SLIT1: variants seen among roughly 807,000 people sequenced by gnomAD.
The protein encoded by SLIT1 is slit homolog 1 protein.
Under a neutral mutation model 186.1 loss-of-function variants are expected in SLIT1, and 66 were observed. That is an observed-to-expected ratio of 0.35 (90% CI 0.29 to 0.44). SLIT1 has a LOEUF of 0.44. SLIT1 is among the 20% of genes least tolerant of loss of function. SLIT1 has a pLI of 1.00. For synonymous variants in SLIT1, 761 were observed against 833.8 expected (o/e 0.91, Z 1.50); for missense variants, 1,638 against 2,037.4 (o/e 0.80, Z 3.77).
chr10:97,131,863 A>T (rs930960983), intron 4 of SLIT1, among the ~76,000 whole-genome samples: 2 of 152,210 alleles, frequency 1.3e-5, no homozygotes, highest in African/African-American at 4.8e-5. Flanking sequence ...CGTGGGGACT[A>T]AGTATCCGCA....
intron 4 of SLIT1, among the ~76,000 whole-genome samples, chr10:97,074,100 G>C (rs866980542): frequency 6.6e-6 from 1 of 152,098 alleles, no homozygotes; most frequent in South Asian, 2.1e-4. Context: ...GCACAACCCA[G>C]GCTTGTAATA....
At chr10:97,164,417 C>T (rs1187723587) in intron 2 of SLIT1, among the ~76,000 whole-genome samples, 2 of 152,200 alleles carry the variant, frequency 1.3e-5, no homozygotes, top group Admixed American at 6.5e-5. Flanking sequence ...CCTCCCCAGA[C>T]TCAGAAGGGA....
chr10:97,162,180 C>G (rs1169014307), intron 3 of SLIT1, among the ~76,000 whole-genome samples: 1 of 152,182 alleles, frequency 6.6e-6, no homozygotes, highest in Non-Finnish European at 1.5e-5. Context: ...TTTAGTAATA[C>G]TATTGTCATT....
chr10:97,003,993 G>T, intron 34 of SLIT1, 75 bp downstream of exon 34: 1 of 1,353,622 alleles, frequency 7.4e-7, no homozygotes, highest in Non-Finnish European at 1.0e-6. Flanking sequence ...CCACAGTGCA[G>T]TCCCTAGGCA....
intron 20 of SLIT1, among the ~76,000 whole-genome samples, chr10:97,041,143 T>C (rs988563556): frequency 6.6e-6 from 1 of 152,192 alleles, no homozygotes; most frequent in Non-Finnish European, 1.5e-5. Flanking sequence ...TCACATCCTT[T>C]CACCTCTAGG....
In SLIT1 at chr10:97,164,878, G is replaced by T; in HGVS notation, c.210C>A (p.Gly70=). 6.2e-7 allele frequency: 1 copy of T among 1,613,272 alleles called. No homozygotes were observed. The highest frequency in any genetic ancestry group is 8.5e-7 in the Non-Finnish European group (1 of 1,179,312). ...PRNTERLELN[G]NNITRIHKND... is the part of the protein sequence containing the mutation. Reference sequence around the variant, plus strand: ...TCTTATGGATCCGAGTGATGTTGTTGCCATTGAGTTCCCTGGAGGAAGAAG... The same window carrying T: ...TCTTATGGATCCGAGTGATGTTGTTTCCATTGAGTTCCCTGGAGGAAGAAG... The change falls in exon 2 of 37, where the codon GGC becomes GGA. Residue 70 remains glycine, a synonymous_variant. Transcript: ENST00000266058.
rs148093418 is a variant in SLIT1, at chr10:97,082,770, C to T, written c.414-16684G>A. ...TTAAAACAACCTCATGAGACACATG[C>T]TCTCACCACTCTGGTGTGGGACGTT... On this transcript the variant is annotated intron_variant, in intron 4 of 36. Coordinates refer to ENST00000266058, the MANE Select transcript of SLIT1 (RefSeq NM_003061.3). Among the ~76,000 whole-genome samples the T allele has an allele frequency of 3.6e-3, 555 of 152,270 alleles. 4 individuals carry two copies. Among genetic ancestry groups the T allele is most frequent in the African/African-American group, 0.013 (523 of 41,552 alleles).
chr10:97,108,217 CA>C (rs1416310049), intron 4 of SLIT1, among the ~76,000 whole-genome samples: 1 of 152,280 alleles, frequency 6.6e-6, no homozygotes, highest in Non-Finnish European at 1.5e-5. Flanking sequence ...GAAGGTGCAG[CA>C]GGGGAGGTGG....
At chr10:97,097,152 A>G (rs918474137) in intron 4 of SLIT1, among the ~76,000 whole-genome samples, 5 of 152,204 alleles carry the variant, frequency 3.3e-5, no homozygotes, top group African/African-American at 1.2e-4. Flanking sequence ...CACGTCCTGC[A>G]CACACACTCC....
intron 4 of SLIT1, among the ~76,000 whole-genome samples, chr10:97,125,221 GA>G (rs1849593721): frequency 6.6e-6 from 1 of 152,138 alleles, no homozygotes; most frequent in Non-Finnish European, 1.5e-5. Context: ...GGGTCCTACT[GA>G]TCTTGCCATA....
At chr10:97,125,775 G>T (rs752032570) in intron 4 of SLIT1, among the ~76,000 whole-genome samples, 2 of 152,058 alleles carry the variant, frequency 1.3e-5, no homozygotes, top group Non-Finnish European at 2.9e-5. Context: ...GGAGGCAGAG[G>T]TTTCGGTGAG....
intron 4 of SLIT1, among the ~76,000 whole-genome samples, chr10:97,119,914 T>C (rs1469889848): frequency 1.6e-4 from 1 of 6,260 alleles, no homozygotes; most frequent in African/African-American, 4.7e-4. Flanking sequence ...TCCAAAGGGG[T>C]ATATATATAT....
At chr10:97,175,564 C>G (rs1334065804) in intron 1 of SLIT1, among the ~76,000 whole-genome samples, 10 of 152,174 alleles carry the variant, frequency 6.6e-5, no homozygotes, top group Non-Finnish European at 4.4e-5. Context: ...TTGACAGTCG[C>G]AATCCGAGTG....
At chr10:97,093,142 A>G (rs573589504) in intron 4 of SLIT1, among the ~76,000 whole-genome samples, 2 of 152,312 alleles carry the variant, frequency 1.3e-5, no homozygotes, top group East Asian at 3.9e-4. Flanking sequence ...GTGGTGTGAG[A>G]AGAGGGCAGT....
At chr10:97,138,787 AT>A in intron 4 of SLIT1, among the ~76,000 whole-genome samples, 1 of 152,282 alleles carries the variant, frequency 6.6e-6, no homozygotes, top group Admixed American at 6.5e-5. Flanking sequence ...TATAATTGAT[AT>A]GTGTGCATCT....
intron 3 of SLIT1, among the ~76,000 whole-genome samples, chr10:97,162,035 T>C (rs1027558804): frequency 3.1e-4 from 47 of 152,280 alleles, no homozygotes; most frequent in Admixed American, 1.1e-3. Context: ...AATAAACTTG[T>C]CATAAGAAAA....
chr10:97,039,920 C>T, intron 21 of SLIT1, 68 bp downstream of exon 21: 1 of 1,573,948 alleles, frequency 6.4e-7, no homozygotes, highest in Non-Finnish European at 8.7e-7. Flanking sequence ...CCCAGCCCCT[C>T]AGGAAATGCC....
At chr10:97,034,430 A>G in intron 23 of SLIT1, 41 bp downstream of exon 23, 1 of 1,454,342 alleles carries the variant, frequency 6.9e-7, no homozygotes, top group Non-Finnish European at 9.7e-7. Context: ...ACTCACAGCC[A>G]TGGCCCCGGG....
chr10:97,012,517 T>A (rs1482406790), intron 30 of SLIT1, among the ~76,000 whole-genome samples: 1 of 152,202 alleles, frequency 6.6e-6, no homozygotes, highest in African/African-American at 2.4e-5. Flanking sequence ...GCACAATGCT[T>A]GCCCTTCGTG....
Sources: allele counts gnomAD v4.1 joint callset (sites outside exome capture counted in the v4.1 genomes callset), GRCh38; gene constraint gnomAD v4.1.1; transcripts MANE v1.5; gene names NCBI Gene and HGNC (gene_info 2026-07-23, HGNC 2026-07-21).